The following WFDC12 variants were observed in gnomAD, a reference collection of about 807,000 sequenced individuals.
WFDC12 encodes the protein WAP four-disulfide core domain protein 12.
WFDC12 carries 4 observed loss-of-function variants against 7.3 expected under a neutral mutation model. That is an observed-to-expected ratio of 0.55 (90% confidence interval 0.27 to 1.25). The LOEUF is 1.25. Ranked by LOEUF, WFDC12 falls within the 50% of genes most tolerant of loss-of-function variation. The pLI is 0.12. For synonymous variants in WFDC12, 48 were observed against 49.5 expected (o/e 0.97, Z 0.13); for missense variants, 156 against 134.4 (o/e 1.16, Z -0.80).
In WFDC12 at chr20:45,124,264, A is replaced by AC. The variant is rs1445875119; in HGVS notation, c.80dup (p.Ile28TyrfsTer10). On this transcript the variant is annotated frameshift_variant and splice_region_variant, in exon 2 of 3. Coordinates refer to ENST00000372785, the MANE Select transcript of WFDC12 (RefSeq NM_080869.2). LOFTEE classifies it high-confidence loss of function. ...CTGGGCAAACCCCTGCTTTCTCTAT[A>AC]CCTAGTGGAGGAAGCCACAAGGTGA... is the stretch of plus-strand genomic sequence containing the variant. 1.9e-6 allele frequency: 3 copies of AC among 1,613,930 alleles called. No individual in the cohort carries two copies. Among genetic ancestry groups the AC allele is most frequent in the Non-Finnish European group, 2.5e-6 (3 of 1,179,946 alleles).
rs2145535695 is a variant in WFDC12 at position 45,123,628 on chromosome 20, A to T, written c.*218T>A. The T allele has an allele frequency of 1.7e-6, 1 of 594,038 alleles. No individual in the cohort carries two copies. The highest frequency in any genetic ancestry group is 2.0e-5 in the South Asian group (1 of 50,132). The allele number at this position is 594,038 out of a possible 1,614,324, so 36.8% of individuals were successfully genotyped here. ...CACTGGTTTCATTCATGAGGGGTCCATTCATGAGCATTAGGGAGGAGCACC... is the reference window on the plus strand; with the variant it reads ...CACTGGTTTCATTCATGAGGGGTCCTTTCATGAGCATTAGGGAGGAGCACC... On this transcript the variant is annotated 3_prime_UTR_variant, in exon 3 of 3. Transcript: ENST00000372785.
rs574022877 is a variant in WFDC12 at position 45,124,393 on chromosome 20, C to T, written c.55G>A (p.Val19Met). The T allele has an allele frequency of 2.2e-5, 35 of 1,614,220 alleles. No individual in the cohort carries two copies. Among genetic ancestry groups the T allele is most frequent in the Non-Finnish European group, 2.8e-5 (33 of 1,180,042 alleles). ...LMVSLVLVTLVAVEGVKEGIE... is the reference protein window; with the variant it reads ...LMVSLVLVTLMAVEGVKEGIE... ...CCCTCTTTAACTCCTTCCACAGCCA[C>T]CAGGGTCACAAGAACGAGAGACACC... Residue 19 changes from valine to methionine, a missense_variant, in exon 1 of 3, where the codon GTG (valine) becomes ATG (methionine). Transcript: ENST00000372785.
rs1981922852 is a variant in WFDC12, at chr20:45,123,839, C to T, written c.*7G>A. 6.2e-7 allele frequency: 1 copy of T among 1,612,352 alleles called. No individual in the cohort carries two copies. Among genetic ancestry groups the T allele is most frequent in the East Asian group, 2.2e-5 (1 of 44,888 alleles). On this transcript the variant is annotated 3_prime_UTR_variant, in exon 3 of 3. Coordinates refer to ENST00000372785, the MANE Select transcript of WFDC12 (RefSeq NM_080869.2). ...GAGTGACCCCCAGAGGTAGAAAGGA[C>T]CCAGCATCATTTCTGAGGACACCTG... is the stretch of plus-strand genomic sequence containing the variant.
At position 45,123,471 on chromosome 20, in the gene WFDC12, G is replaced by A. The variant is rs190552885; in HGVS notation, c.*375C>T. On this transcript the variant is annotated 3_prime_UTR_variant, in exon 3 of 3. Transcript: ENST00000372785. ...TTATTTCTTACAGTTCTAGAGGCTG[G>A]GAAGTCCAAGATCAAGGCACCAGCA... 42 of 248,830 alleles carry A rather than the reference G, an allele frequency of 1.7e-4. No homozygotes were observed. The East Asian group carries it at 2.9e-3, about 17-fold the overall frequency. 15.4% of individuals were successfully genotyped at this position (248,830 alleles called of 1,614,324 possible).
Position 45,124,182 on chromosome 20 carries a change from A to G in WFDC12, c.163T>C (p.Cys55Arg). ...DPPQCHTDQD[C>R]LGERKCCYLH... ...TAACAACACTTCCTTTCCCCCAGAC[A>G]GTCCTGGTCTGTGTGACACTGGGGA... The change falls in exon 2 of 3, where the codon TGT becomes CGT. Residue 55 changes from cysteine to arginine, a missense_variant. Coordinates refer to ENST00000372785, the MANE Select transcript of WFDC12 (RefSeq NM_080869.2). 6.2e-7 allele frequency: 1 copy of G among 1,614,198 alleles called. No individual in the cohort carries two copies. The highest frequency in any genetic ancestry group is 2.2e-5 in the East Asian group (1 of 44,872).
chr20:45,123,848 A>T lies in WFDC12; in HGVS notation c.334T>A (p.Ter112ArgextTer69), dbSNP rs1194661247. The change falls in exon 3 of 3, where the codon TGA becomes AGA. Residue 112 changes from the stop codon to arginine, a stop_lost. Coordinates refer to ENST00000372785, the MANE Select transcript of WFDC12 (RefSeq NM_080869.2). ...GSSSTRCPQK[*>R] ...CCAGAGGTAGAAAGGACCCAGCATC[A>T]TTTCTGAGGACACCTGGTAGAGGAG... 6.2e-7 allele frequency: 1 copy of T among 1,612,884 alleles called. No individual in the cohort carries two copies. Among genetic ancestry groups the T allele is most frequent in the East Asian group, 2.2e-5 (1 of 44,876 alleles).
chr20:45,124,412 A>C lies in WFDC12; in HGVS notation c.36T>G (p.Ser12=), dbSNP rs1568803217. The C allele has an allele frequency of 1.9e-6, 3 of 1,614,162 alleles. No individual in the cohort carries two copies. The highest frequency in any genetic ancestry group is 2.7e-5 in the African/African-American group (2 of 75,038). ...CAGCCACCAGGGTCACAAGAACGAG[A>C]GACACCATGAGGACCAAGAAGCTGC... ...GSSSFLVLMV[S]LVLVTLVAVE... is the part of the protein sequence containing the mutation. Residue 12 remains serine, a synonymous_variant, in exon 1 of 3, where the codon TCT becomes TCG. Coordinates refer to ENST00000372785, the MANE Select transcript of WFDC12 (RefSeq NM_080869.2).
chr20:45,124,032 A>C, intron 2 of WFDC12, 75 bp downstream of exon 2: 1 of 1,607,114 alleles, frequency 6.2e-7, no homozygotes, highest in South Asian at 1.1e-5. Context: ...AAAGGGACTA[A>C]TTCCTCCGAA....
rs573984507 is a variant in WFDC12 at position 45,123,846 on chromosome 20, T to A, written c.336A>T (p.Ter112CysextTer69). The change falls in exon 3 of 3, where the codon TGA (stop) becomes TGT (cysteine). Residue 112 changes from the stop codon to cysteine, a stop_lost. Coordinates refer to ENST00000372785, the MANE Select transcript of WFDC12 (RefSeq NM_080869.2). ...GSSSTRCPQK[*>C] ...CCCCAGAGGTAGAAAGGACCCAGCA[T>A]CATTTCTGAGGACACCTGGTAGAGG... 207 of 1,612,838 alleles carry A rather than the reference T, an allele frequency of 1.3e-4. No individual in the cohort carries two copies. In the South Asian group the frequency reaches 1.9e-3, roughly 15 times the overall value.
At chr20:45,124,012 C>A in intron 2 of WFDC12, 69 bp from the exon 3 acceptor site, 1 of 1,597,996 alleles carries the variant, frequency 6.3e-7, no homozygotes, top group Non-Finnish European at 8.5e-7. Flanking sequence ...CATCCCTCCC[C>A]ACACCAGCTA....
chr20:45,124,002 C>A, intron 2 of WFDC12, 59 bp from the exon 3 acceptor site: 1 of 1,595,202 alleles, frequency 6.3e-7, no homozygotes. Flanking sequence ...CAGCTTTAGC[C>A]ATCCCTCCCC....
At position 45,124,176 on chromosome 20, in the gene WFDC12, C is replaced by A; in HGVS notation, c.169G>T (p.Gly57Trp). ...PQCHTDQDCLGERKCCYLHCG... is the reference protein window; with the variant it reads ...PQCHTDQDCLWERKCCYLHCG... ...TGCAGGTAACAACACTTCCTTTCCC[C>A]CAGACAGTCCTGGTCTGTGTGACAC... Residue 57 changes from glycine (G) to tryptophan (W), a missense_variant, in exon 2 of 3, where the codon GGG (glycine) becomes TGG (tryptophan). Transcript: ENST00000372785. The A allele has an allele frequency of 6.2e-7, 1 of 1,614,208 alleles. No homozygotes were observed. The highest frequency in any genetic ancestry group is 8.5e-7 in the Non-Finnish European group (1 of 1,180,042).
chr20:45,123,974 G>A (rs766814216), intron 2 of WFDC12, 31 bp from the exon 3 acceptor site: 6 of 1,596,802 alleles, frequency 3.8e-6, no homozygotes, highest in East Asian at 2.3e-5. Context: ...CAGACTAGGT[G>A]GTCTCTGAGG....
chr20:45,124,092 G>A lies in WFDC12; in HGVS notation c.238+15C>T. ...GGAAGGGACAGCCCCAGCCCTGGGA[G>A]GCAGGTCTCCTTACCTTCTTCCAGT... On this transcript the variant is annotated intron_variant, in intron 2 of 2. Transcript: ENST00000372785. 3.1e-6 allele frequency: 5 copies of A among 1,613,810 alleles called. No homozygotes were observed. The highest frequency in any genetic ancestry group is 4.2e-6 in the Non-Finnish European group (5 of 1,179,876).
Position 45,123,861 on chromosome 20 carries a change from C to G in WFDC12, c.321G>C (p.Arg107Ser). 4 of 1,613,164 alleles carry G rather than the reference C, an allele frequency of 2.5e-6. No individual in the cohort carries two copies. The highest frequency in any genetic ancestry group is 3.4e-6 in the Non-Finnish European group (4 of 1,180,026). The change falls in exon 3 of 3, where the codon AGG becomes AGC. Residue 107 changes from arginine (R) to serine (S), a missense_variant. By Grantham distance (110) the Arg-to-Ser change is moderately radical. Transcript: ENST00000372785. ...EAKCPGSSST[R>S]CPQK is the part of the protein sequence containing the mutation. The stretch of plus-strand genomic sequence containing the variant: ...GGACCCAGCATCATTTCTGAGGACA[C>G]CTGGTAGAGGAGGAGCCTGGACACT...
Position 45,124,369 on chromosome 20 carries a change from C to G in WFDC12, c.79G>C (p.Gly27Arg), listed in dbSNP as rs1406611201. ...TLVAVEGVKE[G>R]IEKAGVCPAD... is the part of the protein sequence containing the mutation. Reference sequence around the variant, plus strand: ...ACCCAGCTCCACCATGTCTGCTCACCCTCTTTAACTCCTTCCACAGCCACC... The same window carrying G: ...ACCCAGCTCCACCATGTCTGCTCACGCTCTTTAACTCCTTCCACAGCCACC... The change falls in exon 1 of 3, where the codon GGT becomes CGT. Residue 27 changes from glycine (G) to arginine (R), a missense_variant and splice_region_variant. Gly to Arg is a moderately radical substitution (Grantham distance 125). Coordinates refer to ENST00000372785, the MANE Select transcript of WFDC12 (RefSeq NM_080869.2). 3 of 1,614,100 alleles carry G rather than the reference C, an allele frequency of 1.9e-6. No homozygotes were observed. The African/African-American group carries it at 4.0e-5, about 22-fold the overall frequency.
At chr20:45,124,340 C>T (rs374498423) in intron 1 of WFDC12, 29 bp downstream of exon 1, 2 of 1,614,210 alleles carry the variant, frequency 1.2e-6, no homozygotes, top group Middle Eastern at 1.6e-4. Context: ...CCCAGCCCAG[C>T]CCCACCCAGC....
At position 45,124,208 on chromosome 20, in the gene WFDC12, G is replaced by A; in HGVS notation, c.137C>T (p.Pro46Leu). 6.2e-7 allele frequency: 1 copy of A among 1,614,200 alleles called. No homozygotes were observed. The highest frequency in any genetic ancestry group is 1.7e-5 in the Admixed American group (1 of 60,022). ...GTCCTGGTCTGTGTGACACTGGGGA[G>A]GATCGGACTTGAAGCAGCGTACGTT... The part of the protein sequence containing the change: ...ADNVRCFKSD[P>L]PQCHTDQDCL... The change falls in exon 2 of 3, where the codon CCT (proline) becomes CTT (leucine). Residue 46 changes from proline to leucine, a missense_variant. By Grantham distance (98) the Pro-to-Leu change is moderately conservative. Transcript: ENST00000372785.
chr20:45,123,615 T>C lies in WFDC12; in HGVS notation c.*231A>G. 1.7e-6 allele frequency: 1 copy of C among 576,060 alleles called. No homozygotes were observed. Among genetic ancestry groups the C allele is most frequent in the Non-Finnish European group, 3.1e-6 (1 of 323,966 alleles). 35.7% of individuals were successfully genotyped at this position (576,060 alleles called of 1,614,324 possible). A position where few individuals can be genotyped will look rare whatever the true frequency, so the allele number is the denominator to read the frequency against. ...TCTCTTATAAGGGCACTGGTTTCAT[T>C]CATGAGGGGTCCATTCATGAGCATT... On this transcript the variant is annotated 3_prime_UTR_variant, in exon 3 of 3. Coordinates refer to ENST00000372785, the MANE Select transcript of WFDC12 (RefSeq NM_080869.2).
Sources: allele counts gnomAD v4.1 joint callset, GRCh38; gene constraint gnomAD v4.1.1; transcripts MANE v1.5; gene names NCBI Gene and HGNC (gene_info 2026-07-23, HGNC 2026-07-21).